Variants in DGKB observed in about 807,000 individuals in gnomAD.
DGKB encodes the protein diacylglycerol kinase beta.
Under a neutral mutation model 114.3 loss-of-function variants are expected in DGKB, and 67 were observed. The observed-to-expected ratio is 0.59, with a 90% confidence interval of 0.48 to 0.72. The LOEUF is 0.72. DGKB is among the 30% of genes least tolerant of loss of function. DGKB has a pLI of 0.00. For synonymous variants in DGKB, 398 were observed against 323.1 expected (o/e 1.23, Z -2.49); for missense variants, 907 against 975.2 (o/e 0.93, Z 0.93).
intron 21 of DGKB, among the ~76,000 whole-genome samples, chr7:14,403,689 G>A (rs1823491717): frequency 6.6e-6 from 1 of 151,922 alleles, no homozygotes; most frequent in Non-Finnish European, 1.5e-5. Context: ...AACTTCTTAT[G>A]TAAAAACCTC....
intron 6 of DGKB, among the ~76,000 whole-genome samples, chr7:14,711,679 T>G (rs779871255): frequency 5.3e-5 from 8 of 152,100 alleles, no homozygotes; most frequent in Non-Finnish European, 1.2e-4. Context: ...AAGCATAGAT[T>G]TGCTTAGAAA....
chr7:14,474,173 T>C (rs1035656420), intron 21 of DGKB, among the ~76,000 whole-genome samples: 2 of 152,262 alleles, frequency 1.3e-5, no homozygotes, highest in Admixed American at 6.5e-5. Flanking sequence ...AAGGACCTGG[T>C]GGGTGGTAAT....
At chr7:14,377,982 G>T (rs1818776363) in intron 21 of DGKB, among the ~76,000 whole-genome samples, 1 of 152,052 alleles carries the variant, frequency 6.6e-6, no homozygotes, top group Non-Finnish European at 1.5e-5. Flanking sequence ...TTTTTCCTAG[G>T]TTCAGAATTT....
chr7:14,716,800 C>T (rs1828263950), intron 6 of DGKB, among the ~76,000 whole-genome samples: 2 of 151,832 alleles, frequency 1.3e-5, no homozygotes, highest in Admixed American at 1.3e-4. Flanking sequence ...TGATGTATAG[C>T]CAGGGTAAGA....
intron 1 of DGKB, among the ~76,000 whole-genome samples, chr7:14,909,985 T>A (rs1783899103): frequency 6.6e-6 from 1 of 151,954 alleles, no homozygotes; most frequent in Non-Finnish European, 1.5e-5. Flanking sequence ...GGTGGGTGGA[T>A]CACTTGAGGT....
At chr7:14,322,436 T>G (rs922001198) in intron 23 of DGKB, among the ~76,000 whole-genome samples, 4 of 152,108 alleles carry the variant, frequency 2.6e-5, no homozygotes, top group African/African-American at 9.7e-5. Context: ...TGGATAATGA[T>G]ATGAAAAAAG....
intron 25 of DGKB, among the ~76,000 whole-genome samples, chr7:14,169,808 T>A (rs2128235175): frequency 6.6e-6 from 1 of 152,156 alleles, no homozygotes; most frequent in African/African-American, 2.4e-5. Context: ...CTGTTTTAAA[T>A]GATAGAGTTG....
intron 23 of DGKB, among the ~76,000 whole-genome samples, chr7:14,238,239 C>G (rs973301684): frequency 2.0e-5 from 3 of 151,896 alleles, no homozygotes; most frequent in Admixed American, 2.0e-4. Context: ...AGGATTTCCC[C>G]CATGCTTTCT....
intron 21 of DGKB, among the ~76,000 whole-genome samples, chr7:14,435,487 C>A (rs1583918119): frequency 6.6e-6 from 1 of 151,856 alleles, no homozygotes; most frequent in South Asian, 2.1e-4. Context: ...CTATACTGAC[C>A]CAACAGAGTT....
At position 14,630,260 on chromosome 7, in the gene DGKB, G is replaced by A; in HGVS notation, c.1143C>T (p.Pro381=). The A allele has an allele frequency of 6.4e-7, 1 of 1,557,824 alleles. No individual in the cohort carries two copies. The highest frequency in any genetic ancestry group is 8.7e-7 in the Non-Finnish European group (1 of 1,151,232). ...TTICPVVLTL[P]TSGVSVPEER... ...CCTCAGGAACTGAAACTCCTGAAGT[G>A]GGCAGAGTCTGCTGAAAAAGAGAAG... Residue 381 remains proline, a synonymous_variant, in exon 14 of 26, where the codon CCC becomes CCT. Coordinates refer to ENST00000402815, the MANE Select transcript of DGKB (RefSeq NM_001350709.2).
chr7:14,321,056 T>C (rs1392991052), intron 23 of DGKB, among the ~76,000 whole-genome samples: 1 of 152,050 alleles, frequency 6.6e-6, no homozygotes, highest in Admixed American at 6.6e-5. Flanking sequence ...TTTGGGAGGA[T>C]GAGGCGGGCG....
intron 1 of DGKB, among the ~76,000 whole-genome samples, chr7:14,972,436 G>T (rs768215312): frequency 5.3e-4 from 80 of 151,860 alleles, no homozygotes; most frequent in Non-Finnish European, 9.4e-4. Context: ...TAAAATGTTT[G>T]TTTTCAAATC....
In DGKB at chr7:14,672,960, A is replaced by T. The variant is rs1212543376; in HGVS notation, c.1103T>A (p.Leu368Ter). 1 of 1,576,376 alleles carries T rather than the reference A, an allele frequency of 6.3e-7. No individual in the cohort carries two copies. Among genetic ancestry groups the T allele is most frequent in the Non-Finnish European group, 8.6e-7 (1 of 1,159,194 alleles). Residue 368 changes from leucine (L) to a stop codon, truncating the protein, a stop_gained, in exon 13 of 26, where the codon TTA becomes TAA. Transcript: ENST00000402815. LOFTEE classifies it high-confidence loss of function. ...CDCGPLKDHI[L>*]PPTTICPVVL... ...CACTGGACAGATTGTTGTGGGTGGT[A>T]AAATATGGTCCTTCAAAGGTCCACA...
chr7:14,631,517 G>A (rs1019636107), intron 13 of DGKB, among the ~76,000 whole-genome samples: 1 of 151,940 alleles, frequency 6.6e-6, no homozygotes, highest in Non-Finnish European at 1.5e-5. Context: ...AAGAAGCCAC[G>A]AAGTGGAAGA....
At chr7:14,724,262 T>A (rs764214439) in intron 5 of DGKB, among the ~76,000 whole-genome samples, 7 of 152,210 alleles carry the variant, frequency 4.6e-5, no homozygotes, top group African/African-American at 1.4e-4. Context: ...ATAATCAGAA[T>A]AAAAATAGTT....
intron 4 of DGKB, among the ~76,000 whole-genome samples, chr7:14,753,677 G>T: frequency 6.6e-6 from 1 of 152,106 alleles, no homozygotes; most frequent in East Asian, 1.9e-4. Flanking sequence ...CTACAAAACT[G>T]AAGGCCACAC....
At chr7:14,513,306 C>G (rs1584491473) in intron 20 of DGKB, among the ~76,000 whole-genome samples, 2 of 151,810 alleles carry the variant, frequency 1.3e-5, no homozygotes, top group South Asian at 4.2e-4. Flanking sequence ...TTTTTTAATC[C>G]ATATGGGACA....
chr7:14,179,632 T>G (rs1782341548), intron 23 of DGKB, among the ~76,000 whole-genome samples: 1 of 152,160 alleles, frequency 6.6e-6, no homozygotes, highest in African/African-American at 2.4e-5. Context: ...GTAGTTCAAC[T>G]GTGTGGCAGC....
chr7:14,967,051 A>C (rs1171377791), intron 1 of DGKB, among the ~76,000 whole-genome samples: 1 of 152,202 alleles, frequency 6.6e-6, no homozygotes, highest in African/African-American at 2.4e-5. Flanking sequence ...TTTGAAATGA[A>C]CCAATTTAGT....
Sources: gnomAD v4.1 joint callset for allele counts (sites outside exome capture counted in the v4.1 genomes callset) on GRCh38, gnomAD v4.1.1 for gene constraint, MANE v1.5 for transcripts, NCBI Gene and HGNC (gene_info 2026-07-23, HGNC 2026-07-21) for gene names.